NSD2: variants seen among roughly 807,000 people sequenced by gnomAD.
The protein encoded by NSD2 is nuclear receptor binding SET domain protein 2, also known as histone-lysine N-methyltransferase NSD2.
Under a neutral mutation model 139.0 loss-of-function variants are expected in NSD2, and 12 were observed. The observed-to-expected ratio is 0.09, with a 90% CI of 0.06 to 0.14. The LOEUF (loss-of-function observed/expected upper bound fraction) is 0.14, where lower values mean the gene tolerates loss of function less well. Among genes scored for constraint, NSD2 ranks in the 10% least tolerant of loss-of-function variants. The pLI is 1.00. For missense variants in NSD2, 1,155 were observed against 1,745.0 expected (o/e 0.66, Z 6.02); for synonymous variants, 669 against 648.7 (o/e 1.03, Z -0.48).
At chr4:1,883,851 T>TGGAGCTGCACGCA (rs1180745744) in intron 1 of NSD2, among the ~76,000 whole-genome samples, 24 of 152,318 alleles carry the variant, frequency 1.6e-4, no homozygotes, top group African/African-American at 5.8e-4. Flanking sequence ...GTGGCCCACA[T>TGGAGCTGCACGCA]GGAGCTGCAC....
At chr4:1,919,358 GTTGAT>G (rs1415557651) in intron 5 of NSD2, among the ~76,000 whole-genome samples, 1 of 152,080 alleles carries the variant, frequency 6.6e-6, no homozygotes, top group Non-Finnish European at 1.5e-5. Context: ...CACTGAGGGT[GTTGAT>G]TTATTTCCCT....
chr4:1,957,980 G>A lies in NSD2; in HGVS notation c.2929G>A (p.Glu977Lys). 1 of 1,614,186 alleles carries A rather than the reference G, an allele frequency of 6.2e-7. No homozygotes were observed. Among genetic ancestry groups the A allele is most frequent in the Non-Finnish European group, 8.5e-7 (1 of 1,180,038 alleles). The stretch of plus-strand genomic sequence containing the variant: ...TTTTCGTGAAATTAAGCTTCAGAGG[G>A]AAGCCCGAGAAACACAGGAGAGCGA... ...ARFREIKLQR[E>K]ARETQESERK... Residue 977 changes from glutamate to lysine, a missense_variant, in exon 16 of 22, where the codon GAA (glutamate) becomes AAA (lysine). Transcript: ENST00000508803.
At position 1,918,519 on chromosome 4, in the gene NSD2, G is replaced by C; in HGVS notation, c.1306G>C (p.Gly436Arg). The C allele has an allele frequency of 1.2e-6, 2 of 1,613,890 alleles. No individual in the cohort carries two copies. Among genetic ancestry groups the C allele is most frequent in the Non-Finnish European group, 1.7e-6 (2 of 1,179,912 alleles). The change falls in exon 5 of 22, where the codon GGG (glycine) becomes CGG (arginine). Residue 436 changes from glycine to arginine, a missense_variant. Around this residue, in one of 8 missense-constraint regions of NSD2, gnomAD observed 420 missense variants for 469.0 expected, o/e 0.90. Transcript: ENST00000508803. ...AGAGGCTGACCCCAGAAGAGGAGTA[G>C]GGTCTCCTCCTGGGAGGAAGAAGAC... Reference protein sequence around the residue: ...TAEADPRRGVGSPPGRKKTTV... With the variant: ...TAEADPRRGVRSPPGRKKTTV...
chr4:1,946,152 G>A, intron 9 of NSD2: 1 of 1,026,094 alleles, frequency 9.7e-7, no homozygotes, highest in East Asian at 6.3e-5. Flanking sequence ...ATAGTCTTTT[G>A]CCAGAGAAAC....
intron 1 of NSD2, among the ~76,000 whole-genome samples, chr4:1,872,950 A>G (rs1310920356): frequency 2.6e-5 from 4 of 152,228 alleles, no homozygotes; most frequent in African/African-American, 9.6e-5. Context: ...CAGAACGCCA[A>G]CAACATAAAG....
chr4:1,938,396 CTTTTCTTTTTTTTTTCTTTCT>C, intron 7 of NSD2, 34 bp from the exon 8 acceptor site: 1 of 988,344 alleles, frequency 1.0e-6, no homozygotes, highest in Non-Finnish European at 1.2e-6. Flanking sequence ...TCCTTTTTTT[CTTTTCTTTTTTTTTTCTTTCT>C]TTTTTTTTTT....
chr4:1,916,527 G>A (rs563410143), intron 3 of NSD2, among the ~76,000 whole-genome samples: 3 of 152,084 alleles, frequency 2.0e-5, no homozygotes, highest in East Asian at 1.9e-4. Flanking sequence ...TGCATTTTTC[G>A]TAGAGATGGG....
intron 1 of NSD2, among the ~76,000 whole-genome samples, chr4:1,897,432 G>A (rs954314264): frequency 3.9e-5 from 6 of 152,016 alleles, no homozygotes; most frequent in African/African-American, 1.5e-4. Flanking sequence ...GTTGCAGTGA[G>A]CTGAAATTGT....
chr4:1,889,576 A>C (rs1002850395), intron 1 of NSD2, among the ~76,000 whole-genome samples: 2 of 150,724 alleles, frequency 1.3e-5, no homozygotes, highest in South Asian at 4.2e-4. Flanking sequence ...ATCTCGGCTT[A>C]CTGTAACCTC....
At chr4:1,953,134 T>C in intron 11 of NSD2, 190 bp from the exon 12 acceptor site, 1 of 1,546,954 alleles carries the variant, frequency 6.5e-7, no homozygotes, top group Non-Finnish European at 8.7e-7. Context: ...CGCAGCAAGG[T>C]AATCCTTGAT....
rs1239276947 is a variant in NSD2 at position 1,925,119 on chromosome 4, A to G, written c.1411-5507A>G. ...CTCTTTAACTGTTCTGTAATAAGCAATTCTAAACTTGAGGAAGCTCCTCCC... is the reference window on the plus strand; with the variant it reads ...CTCTTTAACTGTTCTGTAATAAGCAGTTCTAAACTTGAGGAAGCTCCTCCC... On this transcript the variant is annotated intron_variant, in intron 5 of 21. Transcript: ENST00000508803. 2.6e-5 allele frequency among the ~76,000 whole-genome samples: 4 copies of G among 152,158 alleles called. No homozygotes were observed. In the East Asian group the frequency reaches 7.7e-4, roughly 29 times the overall value.
At chr4:1,977,388 C>T (rs1727204415) in intron 21 of NSD2, among the ~76,000 whole-genome samples, 1 of 152,240 alleles carries the variant, frequency 6.6e-6, no homozygotes, top group South Asian at 2.1e-4. Context: ...AAGGGTGCAG[C>T]CACCTCCGTT....
chr4:1,926,902 T>C (rs1412230092), intron 5 of NSD2, among the ~76,000 whole-genome samples: 5 of 152,242 alleles, frequency 3.3e-5, no homozygotes, highest in Admixed American at 3.3e-4. Flanking sequence ...TTGCATAACA[T>C]GTTACCTCAA....
At chr4:1,947,310 A>G in intron 9 of NSD2, 1 of 1,062,282 alleles carries the variant, frequency 9.4e-7, no homozygotes, top group Non-Finnish European at 1.1e-6. Flanking sequence ...CACTCTGGCC[A>G]CAGGTGACAC....
chr4:1,910,462 T>G (rs1718522770), intron 3 of NSD2, among the ~76,000 whole-genome samples: 2 of 152,164 alleles, frequency 1.3e-5, no homozygotes, highest in South Asian at 4.1e-4. Flanking sequence ...CCTTTTAAGT[T>G]GGAAACAGAA....
chr4:1,969,001 C>A (rs1726162070), intron 18 of NSD2, among the ~76,000 whole-genome samples: 1 of 152,202 alleles, frequency 6.6e-6, no homozygotes, highest in African/African-American at 2.4e-5. Flanking sequence ...GACAAACAGA[C>A]CCATCCACTG....
intron 1 of NSD2, among the ~76,000 whole-genome samples, chr4:1,880,266 G>A (rs1156611064): frequency 6.6e-6 from 1 of 152,086 alleles, no homozygotes; most frequent in East Asian, 1.9e-4. Context: ...AAGATGTCAA[G>A]TAACTGATCC....
At chr4:1,881,880 T>C (rs1458835829) in intron 1 of NSD2, among the ~76,000 whole-genome samples, 1 of 152,086 alleles carries the variant, frequency 6.6e-6, no homozygotes, top group Non-Finnish European at 1.5e-5. Context: ...GGATTGGGTG[T>C]TGGCTCCATG....
Position 1,942,335 on chromosome 4 carries a change from AC to A in NSD2, c.1881+2558del. ...CTTATTTTTTTCGCCTTCACTGGTA[AC>A]AGCTTTTGTGGGAGCCCACACCAGT... On this transcript the variant is annotated intron_variant, in intron 9 of 21. Coordinates refer to ENST00000508803, the MANE Select transcript of NSD2 (RefSeq NM_001042424.3). This position sits in a 1 kb window ranked among gnomAD's most constrained non-coding sequence, Gnocchi z 4.0. 1 of 1,613,406 alleles carries A rather than the reference AC, an allele frequency of 6.2e-7. No homozygotes were observed. The highest frequency in any genetic ancestry group is 8.5e-7 in the Non-Finnish European group (1 of 1,179,848).
Sources: allele counts gnomAD v4.1 joint callset (sites outside exome capture counted in the v4.1 genomes callset), GRCh38; gene constraint gnomAD v4.1.1; regional missense constraint gnomAD v4.1.1; non-coding constraint Gnocchi (gnomAD v3.1); transcripts MANE v1.5; gene names NCBI Gene and HGNC (gene_info 2026-07-23, HGNC 2026-07-21).